Variants in GFRA2 observed in about 807,000 individuals in gnomAD.
GFRA2 encodes GDNF family receptor alpha-2.
GFRA2 carries 17 observed loss-of-function variants against 48.3 expected under a neutral mutation model. The observed-to-expected ratio is 0.35, with a 90% CI of 0.24 to 0.53. The LOEUF is 0.53. Among genes scored for constraint, GFRA2 ranks in the 20% least tolerant of loss-of-function variants. The pLI, the probability that GFRA2 is intolerant of heterozygous loss-of-function variation, is 0.93. For synonymous variants in GFRA2, 305 were observed against 257.2 expected, an observed-to-expected ratio of 1.19 and a Z score of -1.78; for missense variants, 660 against 637.3, an observed-to-expected ratio of 1.04 and a Z score of -0.38.
intron 2 of GFRA2, 22 bp downstream of exon 2, chr8:21,782,563 G>C: frequency 6.5e-7 from 1 of 1,539,722 alleles, no homozygotes; most frequent in Non-Finnish European, 8.8e-7. Flanking sequence ...CCTCCCCTTG[G>C]GCAAGCCCCG....
At chr8:21,711,179 CAGG>C (rs1803003952) in intron 4 of GFRA2, among the ~76,000 whole-genome samples, 1 of 152,230 alleles carries the variant, frequency 6.6e-6, no homozygotes, top group African/African-American at 2.4e-5. Flanking sequence ...CCTCCAACAC[CAGG>C]AGGTCACTCC....
At chr8:21,792,182 A>G (rs1382649), upstream of GFRA2, among the ~76,000 whole-genome samples, 20,828 of 152,218 alleles carry the variant, frequency 0.14, 2,089 homozygotes, top group African/African-American at 0.28. Context: ...AGGAGAGGGA[A>G]GAAGGACCAG....
At chr8:21,756,952 G>A (rs1805600986) in intron 3 of GFRA2, among the ~76,000 whole-genome samples, 1 of 152,180 alleles carries the variant, frequency 6.6e-6, no homozygotes, top group African/African-American at 2.4e-5. Context: ...AGCCTTGATG[G>A]CCAAGGAGTA....
chr8:21,693,218 G>C lies in GFRA2; in HGVS notation c.*60C>G, dbSNP rs982732354. ...GTGTGTCTGTGTGTGTTTCCATTTC[G>C]TCAGGCGGCTGTTCTTGTCTGCGTA... On this transcript the variant is annotated 3_prime_UTR_variant, in exon 9 of 9. Coordinates refer to ENST00000524240, the MANE Select transcript of GFRA2 (RefSeq NM_001495.5). 14 of 1,530,212 alleles carry C rather than the reference G, an allele frequency of 9.1e-6. No individual in the cohort carries two copies. The Admixed American group carries it at 2.8e-4, about 30-fold the overall frequency. 94.8% of individuals were successfully genotyped at this position (1,530,212 alleles called of 1,614,324 possible).
intron 1 of GFRA2, among the ~76,000 whole-genome samples, chr8:21,807,191 CA>C: frequency 6.6e-6 from 1 of 152,330 alleles, no homozygotes; most frequent in African/African-American, 2.4e-5. Flanking sequence ...GCACTGAGAT[CA>C]TTGACAGCCC....
intron 1 of GFRA2, among the ~76,000 whole-genome samples, chr8:21,805,335 C>A (rs1807839744): frequency 2.0e-5 from 3 of 152,116 alleles, no homozygotes; most frequent in Admixed American, 2.0e-4. Flanking sequence ...TAGCCCCAAC[C>A]AAATGGAAAG....
At chr8:21,760,350 G>A (rs1377643048) in intron 3 of GFRA2, among the ~76,000 whole-genome samples, 3 of 152,202 alleles carry the variant, frequency 2.0e-5, no homozygotes, top group Non-Finnish European at 4.4e-5. Context: ...GAAAGCTAGT[G>A]GAGGCTGGGG....
At chr8:21,792,443 A>AT (rs1807589282), upstream of GFRA2, among the ~76,000 whole-genome samples, 2 of 152,186 alleles carry the variant, frequency 1.3e-5, no homozygotes, top group Admixed American at 1.3e-4. Context: ...GATCCAGGGC[A>AT]CCCCACAATC....
In GFRA2 at chr8:21,750,088, T is replaced by TAC. The variant is rs531507245; in HGVS notation, c.794+498_794+499dup. 0.039 allele frequency among the ~76,000 whole-genome samples: 5,805 copies of TAC among 147,484 alleles called. 261 individuals carry two copies. The highest frequency in any genetic ancestry group is 0.11 in the African/African-American group (4,294 of 40,218). On this transcript the variant is annotated intron_variant, in intron 4 of 8. Transcript: ENST00000524240. The surrounding 1 kb of genome is among the most constrained non-coding windows in gnomAD (Gnocchi z 5.7). ...GTGTATATATGTGTGTGTGTGTGTA[T>TAC]ACACACACACACACACACACACGCA...
chr8:21,769,165 G>C, intron 3 of GFRA2: 2 of 984,716 alleles, frequency 2.0e-6, no homozygotes, highest in Non-Finnish European at 2.4e-6. Context: ...TCTTACAGCA[G>C]TGGTTGACCG....
intron 3 of GFRA2, among the ~76,000 whole-genome samples, chr8:21,759,462 G>GAA (rs1805771962): frequency 2.7e-5 from 3 of 111,612 alleles, no homozygotes; most frequent in Non-Finnish European, 3.7e-5. Context: ...GAGAGGGAGG[G>GAA]AGGGAGGGAG....
intron 4 of GFRA2, among the ~76,000 whole-genome samples, chr8:21,720,960 T>C (rs1803563477): frequency 6.7e-6 from 1 of 149,888 alleles, no homozygotes; most frequent in African/African-American, 2.5e-5. Flanking sequence ...AGGGACTCAG[T>C]TGCCACCGGA....
intron 2 of GFRA2, chr8:21,797,652 A>C (rs1306737481): frequency 1.3e-5 from 2 of 151,980 alleles, no homozygotes; most frequent in African/African-American, 4.8e-5. Flanking sequence ...GGTGGTCTCC[A>C]TGGGCTATGG....
Position 21,786,658 on chromosome 8 carries a change from C to T in GFRA2, c.40+1462G>A, listed in dbSNP as rs776784226. The stretch of plus-strand genomic sequence containing the variant: ...CTGCCTCTGGCTGAGGGAGGTAGGA[C>T]CTCTGAGGCCACACCCTAGAGCAGG... On this transcript the variant is annotated intron_variant, in intron 1 of 8. Coordinates refer to ENST00000524240, the MANE Select transcript of GFRA2 (RefSeq NM_001495.5). Among the ~76,000 whole-genome samples, 474 of 152,282 alleles carry T rather than the reference C, an allele frequency of 3.1e-3. 2 individuals carry two copies. The highest frequency in any genetic ancestry group is 5.9e-3 in the Admixed American group (91 of 15,300).
At chr8:21,697,284 G>GACAGAGGGAAGAAATAGAGGAAGGAGGCA (rs1802256785) in intron 7 of GFRA2, among the ~76,000 whole-genome samples, 1 of 151,544 alleles carries the variant, frequency 6.6e-6, no homozygotes, top group Non-Finnish European at 1.5e-5. Flanking sequence ...AGGAACAGAA[G>GACAGAGGGAAGAAATAGAGGAAGGAGGCA]ACAGAGGGAA....
chr8:21,788,411 C>T lies in GFRA2; in HGVS notation c.-252G>A, dbSNP rs1807394383. The T allele has an allele frequency of 3.1e-6, 4 of 1,303,394 alleles. No individual in the cohort carries two copies. Among genetic ancestry groups the T allele is most frequent in the Non-Finnish European group, 3.9e-6 (4 of 1,029,000 alleles). 80.7% of individuals were successfully genotyped at this position (1,303,394 alleles called of 1,614,324 possible). ...CTTGCCCGCTACAATCAAATATACG[C>T]GTATCTGTGTATCGGCTTTCTAAGC... On this transcript the variant is annotated 5_prime_UTR_variant, in exon 1 of 9. Coordinates refer to ENST00000524240, the MANE Select transcript of GFRA2 (RefSeq NM_001495.5).
chr8:21,701,670 C>G (rs921205543), intron 7 of GFRA2, among the ~76,000 whole-genome samples: 2 of 152,174 alleles, frequency 1.3e-5, no homozygotes, highest in Admixed American at 6.5e-5. Flanking sequence ...CAAGCACTTT[C>G]GCATGTATCA....
intron 3 of GFRA2, among the ~76,000 whole-genome samples, chr8:21,754,505 C>CTTTTTTTTTT (rs59344047): frequency 8.8e-4 from 106 of 121,140 alleles, no homozygotes; most frequent in Non-Finnish European, 1.2e-3. Flanking sequence ...CTTTTTTTTT[C>CTTTTTTTTTT]TTTTTTTTTT....
At chr8:21,708,830 G>T (rs1802877106) in intron 4 of GFRA2, among the ~76,000 whole-genome samples, 1 of 152,202 alleles carries the variant, frequency 6.6e-6, no homozygotes, top group East Asian at 1.9e-4. Flanking sequence ...GCATGGCCCT[G>T]CCAACACCTT....
Sources: allele counts gnomAD v4.1 joint callset (sites outside exome capture counted in the v4.1 genomes callset), GRCh38; gene constraint gnomAD v4.1.1; non-coding constraint Gnocchi (gnomAD v3.1); transcripts MANE v1.5; gene names NCBI Gene and HGNC (gene_info 2026-07-23, HGNC 2026-07-21).